The following KIAA1217 variants were observed in gnomAD, a reference collection of about 807,000 sequenced individuals.
The protein encoded by KIAA1217 is KIAA1217.
In KIAA1217, 88 loss-of-function variants were observed where a neutral mutation model predicts 163.9. That is an observed-to-expected ratio of 0.54 (90% CI 0.45 to 0.64). The LOEUF is 0.64. KIAA1217 is among the 30% of genes least tolerant of loss of function. The pLI is 0.00. For synonymous variants in KIAA1217, 903 were observed against 923.1 expected, an observed-to-expected ratio of 0.98 and a Z score of 0.39; for missense variants, 2,372 against 2,475.0, an observed-to-expected ratio of 0.96 and a Z score of 0.88.
chr10:24,068,641 T>C (rs1317742418), intron 2 of KIAA1217, among the ~76,000 whole-genome samples: 1 of 152,208 alleles, frequency 6.6e-6, no homozygotes, highest in Non-Finnish European at 1.5e-5. Flanking sequence ...AGCTAAAACC[T>C]CTGTTGGCCT....
At chr10:24,107,167 A>G (rs1292157767) in intron 2 of KIAA1217, among the ~76,000 whole-genome samples, 1 of 152,248 alleles carries the variant, frequency 6.6e-6, no homozygotes, top group African/African-American at 2.4e-5. Context: ...TAATTCACTT[A>G]GGATAATGGC....
At chr10:24,001,309 T>C (rs974858723) in intron 1 of KIAA1217, among the ~76,000 whole-genome samples, 1 of 152,214 alleles carries the variant, frequency 6.6e-6, no homozygotes, top group Non-Finnish European at 1.5e-5. Context: ...TGAGTTCTTA[T>C]TACATGAATG....
At chr10:24,488,735 T>G (rs534774809) in intron 6 of KIAA1217, among the ~76,000 whole-genome samples, 18 of 146,680 alleles carry the variant, frequency 1.2e-4, no homozygotes, top group South Asian at 1.1e-3. Context: ...TTACTTTGGG[T>G]TTTTTTTTCC....
At chr10:23,955,679 G>A (rs920752119) in intron 1 of KIAA1217, among the ~76,000 whole-genome samples, 1 of 152,096 alleles carries the variant, frequency 6.6e-6, no homozygotes, top group African/African-American at 2.4e-5. Context: ...TCCATCAAAC[G>A]GCAAGTTAGC....
At chr10:23,810,941 G>GTATATAATATATACTA (rs1837001656) in intron 1 of KIAA1217, among the ~76,000 whole-genome samples, 4 of 109,080 alleles carry the variant, frequency 3.7e-5, no homozygotes, top group Non-Finnish European at 6.7e-5. Context: ...ATATACTATA[G>GTATATAATATATACTA]TATATATTAT....
intron 5 of KIAA1217, among the ~76,000 whole-genome samples, chr10:24,451,365 G>A (rs1199652184): frequency 6.6e-6 from 1 of 152,234 alleles, no homozygotes; most frequent in Admixed American, 6.5e-5. Flanking sequence ...TGAAGGTGGA[G>A]GGTTCTGAAG....
At chr10:23,931,719 A>T (rs1234222396) in intron 1 of KIAA1217, among the ~76,000 whole-genome samples, 2 of 152,172 alleles carry the variant, frequency 1.3e-5, no homozygotes, top group Admixed American at 1.3e-4. Context: ...GGTTAGTTTC[A>T]TCTTCTCGTA....
chr10:23,789,492 A>C (rs2130919971), intron 1 of KIAA1217, among the ~76,000 whole-genome samples: 1 of 152,238 alleles, frequency 6.6e-6, no homozygotes, highest in South Asian at 2.1e-4. Flanking sequence ...AAACTTCTTG[A>C]GACTCAGAAT....
chr10:24,301,246 C>A (rs553134355), intron 2 of KIAA1217, among the ~76,000 whole-genome samples: 1 of 152,152 alleles, frequency 6.6e-6, no homozygotes, highest in South Asian at 2.1e-4. Flanking sequence ...AGAACCAGGT[C>A]ATTATTTTTG....
At chr10:23,813,383 G>A (rs1435760170) in intron 1 of KIAA1217, among the ~76,000 whole-genome samples, 1 of 150,596 alleles carries the variant, frequency 6.6e-6, no homozygotes, top group Admixed American at 6.6e-5. Context: ...TTTTTGTTTT[G>A]TGTCACTATA....
At chr10:24,173,030 C>G (rs998826057) in intron 2 of KIAA1217, among the ~76,000 whole-genome samples, 1 of 152,190 alleles carries the variant, frequency 6.6e-6, no homozygotes, top group Non-Finnish European at 1.5e-5. Context: ...TGTTAGGAAC[C>G]AGGCTGCACA....
intron 2 of KIAA1217, among the ~76,000 whole-genome samples, chr10:24,320,828 G>A (rs1276232261): frequency 6.6e-6 from 1 of 151,922 alleles, no homozygotes; most frequent in Admixed American, 6.6e-5. Context: ...CGGATCACGA[G>A]GTCGGGAGAT....
intron 2 of KIAA1217, among the ~76,000 whole-genome samples, chr10:24,298,677 A>G (rs1157598076): frequency 6.6e-6 from 1 of 152,182 alleles, no homozygotes; most frequent in African/African-American, 2.4e-5. Context: ...ACCTGCTTAT[A>G]GTCTCAGCTA....
At chr10:24,233,625 G>A (rs1013811825) in intron 2 of KIAA1217, among the ~76,000 whole-genome samples, 1 of 152,196 alleles carries the variant, frequency 6.6e-6, no homozygotes, top group Non-Finnish European at 1.5e-5. Context: ...GATGTGATCA[G>A]AGAGTGCAAT....
chr10:23,790,518 T>C lies in KIAA1217; in HGVS notation c.-321+95284T>C, dbSNP rs546473103. Reference sequence around the variant, plus strand: ...ATACATGTGCATATATACATATGTATATATACATATATACATATACATGTG... The same window carrying C: ...ATACATGTGCATATATACATATGTACATATACATATATACATATACATGTG... On this transcript the variant is annotated intron_variant, in intron 1 of 18. Coordinates refer to the KIAA1217 transcript ENST00000376462. Among the ~76,000 whole-genome samples, 303 of 110,772 alleles carry C rather than the reference T, an allele frequency of 2.7e-3. 55 individuals carry two copies. Among genetic ancestry groups the C allele is most frequent in the East Asian group, 0.027 (115 of 4,300 alleles). 72.7% of individuals were successfully genotyped at this position (110,772 alleles called of 152,430 possible). A position where few individuals can be genotyped will look rare whatever the true frequency, so the allele number is the denominator to read the frequency against.
intron 2 of KIAA1217, among the ~76,000 whole-genome samples, chr10:24,031,900 A>G (rs1416944891): frequency 6.6e-6 from 1 of 152,196 alleles, no homozygotes. Context: ...GAAGCTAAGC[A>G]CATTCTTAGG....
At chr10:24,357,458 C>T (rs1349784619) in intron 2 of KIAA1217, among the ~76,000 whole-genome samples, 1 of 151,990 alleles carries the variant, frequency 6.6e-6, no homozygotes, top group Non-Finnish European at 1.5e-5. Flanking sequence ...AAGCAAGGCC[C>T]CTTTGGACTA....
At chr10:23,845,953 T>C (rs754399164) in intron 1 of KIAA1217, among the ~76,000 whole-genome samples, 7 of 152,220 alleles carry the variant, frequency 4.6e-5, no homozygotes, top group Non-Finnish European at 1.0e-4. Flanking sequence ...TGCATATGGC[T>C]AGCCAGTTTT....
intron 1 of KIAA1217, among the ~76,000 whole-genome samples, chr10:23,802,992 CTAT>C (rs1836544788): frequency 6.6e-6 from 1 of 152,158 alleles, no homozygotes; most frequent in African/African-American, 2.4e-5. Flanking sequence ...GAGGTAGGTG[CTAT>C]TATTATCATC....
Sources: allele counts gnomAD v4.1 joint callset (sites outside exome capture counted in the v4.1 genomes callset), GRCh38; gene constraint gnomAD v4.1.1; transcripts MANE v1.5; gene names NCBI Gene and HGNC (gene_info 2026-07-23, HGNC 2026-07-21).